MAP3K7: variants seen among roughly 807,000 people sequenced by gnomAD.
MAP3K7 encodes the protein mitogen-activated protein kinase kinase kinase 7, also known as TGF-beta activated kinase 1.
MAP3K7 carries 21 observed loss-of-function variants against 84.8 expected under a neutral mutation model. That is an observed-to-expected ratio of 0.25 (90% CI 0.18 to 0.36). The LOEUF is 0.36. Ranked by LOEUF, MAP3K7 falls within the 10% of genes least tolerant of loss-of-function variation. MAP3K7 has a pLI of 1.00. For synonymous variants in MAP3K7, 241 were observed against 247.7 expected, an observed-to-expected ratio of 0.97 and a Z score of 0.25; for missense variants, 503 against 747.7, an observed-to-expected ratio of 0.67 and a Z score of 3.82.
intron 1 of MAP3K7, among the ~76,000 whole-genome samples, chr6:90,575,353 T>C (rs1303973230): frequency 6.6e-6 from 1 of 152,042 alleles, no homozygotes; most frequent in African/African-American, 2.4e-5. Context: ...CTTTTCAGGA[T>C]AGGGTTAGGG....
chr6:90,552,502 A>T (rs1191186840), intron 7 of MAP3K7, among the ~76,000 whole-genome samples: 1 of 152,186 alleles, frequency 6.6e-6, no homozygotes, highest in South Asian at 2.1e-4. Flanking sequence ...AAAAACAGCT[A>T]AGATTACTCA....
intron 3 of MAP3K7, among the ~76,000 whole-genome samples, chr6:90,562,506 G>A (rs1776556820): frequency 6.6e-6 from 1 of 150,540 alleles, no homozygotes; most frequent in African/African-American, 2.4e-5. Flanking sequence ...CCAACTGCAA[G>A]GCGGCAGCGA....
chr6:90,545,852 A>G (rs1374037611), intron 11 of MAP3K7, among the ~76,000 whole-genome samples: 1 of 152,220 alleles, frequency 6.6e-6, no homozygotes, highest in Non-Finnish European at 1.5e-5. Context: ...ACTTTGACCA[A>G]TGATGTGTGG....
intron 13 of MAP3K7, among the ~76,000 whole-genome samples, chr6:90,526,500 C>T (rs1775326642): frequency 6.6e-6 from 1 of 152,024 alleles, no homozygotes; most frequent in African/African-American, 2.4e-5. Flanking sequence ...TTAGAAAGTA[C>T]TTGAACTGAC....
At chr6:90,576,419 TCACACACACACACACACACA>T (rs11468988) in intron 1 of MAP3K7, among the ~76,000 whole-genome samples, 7,727 of 136,900 alleles carry the variant, frequency 0.056, 563 homozygotes, top group African/African-American at 0.17. Context: ...CTAGACTCTG[TCACACACACACACACACACA>T]CACACACACA....
At chr6:90,552,806 G>GC (rs1441197184) in intron 7 of MAP3K7, among the ~76,000 whole-genome samples, 5 of 152,306 alleles carry the variant, frequency 3.3e-5, no homozygotes, top group Non-Finnish European at 7.4e-5. Flanking sequence ...CAGGACAGAT[G>GC]CAAGGACATT....
At chr6:90,563,280 G>A (rs553769012) in intron 3 of MAP3K7, among the ~76,000 whole-genome samples, 108 of 152,258 alleles carry the variant, frequency 7.1e-4, no homozygotes, top group African/African-American at 2.4e-3. Flanking sequence ...TTCTCCAAGC[G>A]AAAGGAGGAT....
chr6:90,581,402 A>G (rs998702721), intron 1 of MAP3K7, among the ~76,000 whole-genome samples: 1 of 152,184 alleles, frequency 6.6e-6, no homozygotes, highest in Non-Finnish European at 1.5e-5. Flanking sequence ...GAACAAGCAT[A>G]GATCATACAT....
intron 13 of MAP3K7, among the ~76,000 whole-genome samples, chr6:90,525,292 A>G (rs1243102427): frequency 6.6e-6 from 1 of 152,188 alleles, no homozygotes; most frequent in African/African-American, 2.4e-5. Flanking sequence ...AAATTACTAG[A>G]GAAAGAGATA....
Position 90,518,578 on chromosome 6 carries a change from A to T in MAP3K7, c.1525-16T>A. On this transcript the variant is annotated splice_polypyrimidine_tract_variant and intron_variant, in intron 15 of 16. Transcript: ENST00000369329. ...GTGCTAGAGGCTGAAAATAATCAGG[A>T]ATGTTAAAACATAATTAAATCAAAT... is the stretch of plus-strand genomic sequence containing the variant. 1 of 1,313,726 alleles carries T rather than the reference A, an allele frequency of 7.6e-7. No homozygotes were observed. Among genetic ancestry groups the T allele is most frequent in the East Asian group, 2.3e-5 (1 of 43,256 alleles). The allele number at this position is 1,313,726 out of a possible 1,614,324, so 81.4% of individuals were successfully genotyped here.
Position 90,518,552 on chromosome 6 carries a change from G to C in MAP3K7, c.1535C>G (p.Pro512Arg), listed in dbSNP as rs886039230. The part of the protein sequence containing the change: ...TLDHQLQPLA[P>R]CPNSKESMAV... ...CATAGATTCTTTGGAGTTTGGGCAC[G>C]GTGCTAGAGGCTGAAAATAATCAGG... The change falls in exon 16 of 17, where the codon CCG (proline) becomes CGG (arginine). Residue 512 changes from proline to arginine, a missense_variant. Physicochemically the swap from Pro to Arg is moderately radical, Grantham distance 103. Around this residue, in one of 5 missense-constraint regions of MAP3K7, gnomAD observed 36 missense variants for 74.5 expected, o/e 0.48. Transcript: ENST00000369329. 6.4e-7 allele frequency: 1 copy of C among 1,566,108 alleles called. No individual in the cohort carries two copies. Among genetic ancestry groups the C allele is most frequent in the Non-Finnish European group, 8.8e-7 (1 of 1,139,984 alleles).
chr6:90,515,532 T>G lies in MAP3K7; in HGVS notation c.*969A>C, dbSNP rs1465549727. 1 of 145,168 alleles carries G rather than the reference T, an allele frequency of 6.9e-6. No homozygotes were observed. 9.0% of individuals were successfully genotyped at this position (145,168 alleles called of 1,614,324 possible). A position where few individuals can be genotyped will look rare whatever the true frequency, so the allele number is the denominator to read the frequency against. On this transcript the variant is annotated 3_prime_UTR_variant, in exon 17 of 17. Coordinates refer to ENST00000369329, the MANE Select transcript of MAP3K7 (RefSeq NM_145331.3). ...TTAACTTCCTTCTGATTTGCCTGGT[T>G]TATTTCTCATTTGGTATCATAAAAA...
intron 13 of MAP3K7, among the ~76,000 whole-genome samples, chr6:90,527,026 C>G (rs995327699): frequency 6.6e-6 from 1 of 152,064 alleles, no homozygotes; most frequent in African/African-American, 2.4e-5. Context: ...TATAATGTGG[C>G]AGTGTAGAAG....
At chr6:90,561,105 A>G (rs917746549) in intron 4 of MAP3K7, among the ~76,000 whole-genome samples, 1 of 152,208 alleles carries the variant, frequency 6.6e-6, no homozygotes, top group Admixed American at 6.5e-5. Flanking sequence ...TGGTGCTACA[A>G]GAGACAATAC....
chr6:90,517,554 A>C (rs943216018), intron 16 of MAP3K7, among the ~76,000 whole-genome samples: 4 of 151,852 alleles, frequency 2.6e-5, no homozygotes, highest in African/African-American at 9.7e-5. Context: ...AAATAAGTGA[A>C]ATAAGAAATC....
intron 4 of MAP3K7, among the ~76,000 whole-genome samples, chr6:90,560,489 G>A (rs902237437): frequency 1.4e-4 from 21 of 152,166 alleles, no homozygotes; most frequent in Non-Finnish European, 1.5e-4. Flanking sequence ...AGCCTCCCGA[G>A]TAGCTGGGAC....
Position 90,561,117 on chromosome 6 carries a change from T to C in MAP3K7, c.343+505A>G, listed in dbSNP as rs558048139. Among the ~76,000 whole-genome samples, 9 of 152,232 alleles carry C rather than the reference T, an allele frequency of 5.9e-5. No homozygotes were observed. In the East Asian group the frequency reaches 1.7e-3, roughly 29 times the overall value. ...AACTGGTGCTACAAGAGACAATACATTTCTGCATATGGTTGGTATTTTTAG... is the reference window on the plus strand; with the variant it reads ...AACTGGTGCTACAAGAGACAATACACTTCTGCATATGGTTGGTATTTTTAG... On this transcript the variant is annotated intron_variant, in intron 4 of 16. Transcript: ENST00000369329.
chr6:90,563,192 G>A (rs1193762792), intron 3 of MAP3K7, among the ~76,000 whole-genome samples: 1 of 152,190 alleles, frequency 6.6e-6, no homozygotes, highest in Non-Finnish European at 1.5e-5. Flanking sequence ...CTCCTTGCCA[G>A]CAACGGAACA....
intron 12 of MAP3K7, among the ~76,000 whole-genome samples, chr6:90,543,695 G>A (rs985472851): frequency 6.6e-6 from 1 of 151,996 alleles, no homozygotes; most frequent in Non-Finnish European, 1.5e-5. Context: ...ACTCATGAAC[G>A]TGTGTGGAAA....
Sources: gnomAD v4.1 joint callset for allele counts (sites outside exome capture counted in the v4.1 genomes callset) on GRCh38, gnomAD v4.1.1 for gene constraint, gnomAD v4.1.1 regional missense constraint, MANE v1.5 for transcripts, NCBI Gene and HGNC (gene_info 2026-07-23, HGNC 2026-07-21) for gene names.